The following ATP11C variants were observed in gnomAD, a reference collection of about 807,000 sequenced individuals.
ATP11C encodes ATPase phospholipid transporting 11C (ATP11C blood group).
ATP11C carries 36 observed loss-of-function variants against 97.4 expected under a neutral mutation model. That is an observed-to-expected ratio of 0.37 (90% CI 0.28 to 0.49). The LOEUF is 0.49. Among genes scored for constraint, ATP11C ranks in the 20% least tolerant of loss-of-function variants. ATP11C has a pLI of 0.98. For missense variants in ATP11C, 730 were observed against 824.6 expected (o/e 0.89, Z 1.40); for synonymous variants, 275 against 290.9 (o/e 0.95, Z 0.56).
chrX:139,889,585 A>G (rs2084698176), intron 1 of ATP11C, among the ~76,000 whole-genome samples: 1 of 112,292 alleles, frequency 8.9e-6, no homozygotes, highest in Admixed American at 9.5e-5. Flanking sequence ...TACCTCAATA[A>G]TTCTCAAGAA....
Position 139,932,087 on chromosome X carries a change from T to C in ATP11C, c.-45A>G. On this transcript the variant is annotated 5_prime_UTR_variant, in exon 1 of 30. Transcript: ENST00000682941. Reference sequence around the variant, plus strand: ...CGCTGAGCTGGGCTCTACCGGGCTGTCTGGGAAGGCGCCGTCCACAAAACA... The same window carrying C: ...CGCTGAGCTGGGCTCTACCGGGCTGCCTGGGAAGGCGCCGTCCACAAAACA... 1.8e-6 allele frequency: 2 copies of C among 1,119,611 alleles called. No individual in the cohort carries two copies. Among genetic ancestry groups the C allele is most frequent in the Non-Finnish European group, 2.4e-6 (2 of 844,467 alleles). 92.3% of individuals were successfully genotyped at this position (1,119,611 alleles called of 1,213,427 possible).
intron 1 of ATP11C, among the ~76,000 whole-genome samples, chrX:139,831,423 T>G (rs952058632): frequency 1.8e-5 from 2 of 111,607 alleles, no homozygotes; most frequent in African/African-American, 6.5e-5. Context: ...GCACAACACT[T>G]AAGAAAAAGA....
At chrX:139,729,507 C>T (rs184127650) in intron 29 of ATP11C, among the ~76,000 whole-genome samples, 28 of 111,487 alleles carry the variant, frequency 2.5e-4, no homozygotes, top group Non-Finnish European at 2.6e-4. Context: ...GCATATTTCC[C>T]CCCTACAATA....
chrX:139,815,409 G>A (rs1277247281), intron 4 of ATP11C, among the ~76,000 whole-genome samples: 2 of 111,550 alleles, frequency 1.8e-5, no homozygotes, highest in East Asian at 2.8e-4. Context: ...TAGACTGTTC[G>A]AGTAATCATC....
Position 139,726,763 on chromosome X carries a change from T to C in ATP11C, c.*2203A>G, listed in dbSNP as rs1184619381. On this transcript the variant is annotated 3_prime_UTR_variant, in exon 30 of 30. Coordinates refer to ENST00000682941, the MANE Select transcript of ATP11C (RefSeq NM_001353812.2). ...TGATAGCTCAAAATTATTCAAATTA[T>C]AGGTAGATGATCTTATTATATTTTT... 8.9e-6 allele frequency: 1 copy of C among 112,139 alleles called. No homozygotes were observed. Among genetic ancestry groups the C allele is most frequent in the Non-Finnish European group, 1.9e-5 (1 of 53,152 alleles). 9.2% of individuals were successfully genotyped at this position (112,139 alleles called of 1,213,427 possible).
intron 23 of ATP11C, among the ~76,000 whole-genome samples, chrX:139,754,777 AG>A (rs924895527): frequency 1.8e-5 from 2 of 112,163 alleles, no homozygotes; most frequent in African/African-American, 6.5e-5. Context: ...GATGCAGAAA[AG>A]GTTTTCAATA....
intron 1 of ATP11C, among the ~76,000 whole-genome samples, chrX:139,871,033 G>A (rs1370023905): frequency 3.6e-5 from 3 of 83,688 alleles, no homozygotes; most frequent in South Asian, 1.4e-3. Flanking sequence ...TCCGCAGTCC[G>A]ACCTGGGCGA....
intron 1 of ATP11C, among the ~76,000 whole-genome samples, chrX:139,866,494 G>A (rs1196470475): frequency 9.1e-6 from 1 of 109,465 alleles, no homozygotes; most frequent in Non-Finnish European, 1.9e-5. Context: ...AAGGTGGGCC[G>A]ATCGCTTGAG....
chrX:139,886,017 T>C (rs189546726), intron 1 of ATP11C, among the ~76,000 whole-genome samples: 28 of 111,021 alleles, frequency 2.5e-4, no homozygotes, highest in African/African-American at 8.8e-4. Context: ...TCATATAAGA[T>C]AGAACTCCTA....
At chrX:139,911,059 T>C (rs745685228) in intron 1 of ATP11C, among the ~76,000 whole-genome samples, 14 of 111,247 alleles carry the variant, frequency 1.3e-4, no homozygotes, top group East Asian at 1.1e-3. Context: ...CTTCCCAACA[T>C]TGGCATAGAG....
At chrX:139,729,865 C>T (rs1276845214) in intron 29 of ATP11C, among the ~76,000 whole-genome samples, 1 of 111,977 alleles carries the variant, frequency 8.9e-6, no homozygotes, top group Non-Finnish European at 1.9e-5. Context: ...TTTGCCATGG[C>T]TGGACTAGAA....
chrX:139,796,925 ACT>A lies in ATP11C; in HGVS notation c.1008+249_1008+250del, dbSNP rs762605821. ...AGATGCCTAAAGTAAAAGAAAAAAA[ACT>A]CTTTTTTTCTTTTCTTTTTCTTTCT... is the stretch of plus-strand genomic sequence containing the variant. On this transcript the variant is annotated intron_variant, in intron 11 of 29. Coordinates refer to ENST00000682941, the MANE Select transcript of ATP11C (RefSeq NM_001353812.2). Among the ~76,000 whole-genome samples the A allele has an allele frequency of 7.6e-3, 842 of 110,196 alleles. 2 individuals carry two copies. The highest frequency in any genetic ancestry group is 0.021 in the African/African-American group (649 of 30,369).
chrX:139,858,601 G>T (rs1375639414), intron 1 of ATP11C, among the ~76,000 whole-genome samples: 1 of 111,925 alleles, frequency 8.9e-6, no homozygotes, highest in Non-Finnish European at 1.9e-5. Flanking sequence ...ACGTTTGAGG[G>T]TTTATGTTTC....
At chrX:139,880,042 T>C (rs764035903) in intron 1 of ATP11C, among the ~76,000 whole-genome samples, 1 of 110,086 alleles carries the variant, frequency 9.1e-6, no homozygotes, top group South Asian at 3.9e-4. Context: ...AATTCTTGTC[T>C]CATTTTACAA....
chrX:139,778,022 T>C (rs1176341486), intron 18 of ATP11C, among the ~76,000 whole-genome samples: 1 of 110,245 alleles, frequency 9.1e-6, no homozygotes, highest in Non-Finnish European at 1.9e-5. Context: ...TGCTTACTTA[T>C]CTAAAAAAAA....
chrX:139,797,751 T>C (rs1603373259), intron 10 of ATP11C, among the ~76,000 whole-genome samples: 1 of 111,519 alleles, frequency 9.0e-6, no homozygotes, highest in East Asian at 2.8e-4. Context: ...TCTTTCAGTT[T>C]AAAAGTGGAG....
chrX:139,788,108 C>G, intron 14 of ATP11C, 84 bp downstream of exon 14: 1 of 924,531 alleles, frequency 1.1e-6, no homozygotes. Context: ...GCTAAGGTCA[C>G]TGAAGCAAAC....
At position 139,765,208 on chromosome X, in the gene ATP11C, A is replaced by G. The variant is rs772903048; in HGVS notation, c.2392-1790T>C. ...AGATCAAATGGATTAAGACCTCTTC[A>G]ATCTCTAGGATAGCTTCATGAAAAA... On this transcript the variant is annotated intron_variant, in intron 20 of 29. Coordinates refer to ENST00000682941, the MANE Select transcript of ATP11C (RefSeq NM_001353812.2). 1.2e-4 allele frequency among the ~76,000 whole-genome samples: 13 copies of G among 108,504 alleles called. No homozygotes were observed. The South Asian group carries it at 5.0e-3, about 42-fold the overall frequency. 94.2% of individuals were successfully genotyped at this position (108,504 alleles called of 115,157 possible). A position where few individuals can be genotyped will look rare whatever the true frequency, so the allele number is the denominator to read the frequency against.
intron 5 of ATP11C, among the ~76,000 whole-genome samples, chrX:139,813,442 T>C (rs1417638362): frequency 8.9e-6 from 1 of 112,225 alleles, no homozygotes; most frequent in Non-Finnish European, 1.9e-5. Context: ...GAATTGAAAA[T>C]GTATGTCCAT....
Sources: allele counts gnomAD v4.1 joint callset (sites outside exome capture counted in the v4.1 genomes callset), GRCh38; gene constraint gnomAD v4.1.1; transcripts MANE v1.5; gene names NCBI Gene and HGNC (gene_info 2026-07-23, HGNC 2026-07-21).